PPARGC1A: variants seen among roughly 807,000 people sequenced by gnomAD.
PPARGC1A encodes PPARG coactivator 1 alpha.
PPARGC1A carries 25 observed loss-of-function variants against 88.7 expected under a neutral mutation model. The ratio of observed to expected loss-of-function variants is 0.28; its 90% CI spans 0.21 to 0.39. The LOEUF is 0.39. Among genes scored for constraint, PPARGC1A ranks in the 10% least tolerant of loss-of-function variants. PPARGC1A has a pLI of 1.00. For synonymous variants in PPARGC1A, 363 were observed against 355.6 expected (o/e 1.02, Z -0.24); for missense variants, 880 against 968.7 (o/e 0.91, Z 1.22).
chr4:23,813,791 C>T lies in PPARGC1A; in HGVS notation c.1692G>A (p.Arg564=). ...PKSLFSQRPQ[R]MRSRSRSFSR... ...AAAAGGACCTTGAACGAGAGCGCAT[C>T]CTTTGGGGTCTTTGAGAAAATAAGG... Residue 564 remains arginine (R), a synonymous_variant, in exon 8 of 13, where the codon AGG becomes AGA. Transcript: ENST00000264867. 1.9e-6 allele frequency: 3 copies of T among 1,613,568 alleles called. No homozygotes were observed. Among genetic ancestry groups the T allele is most frequent in the Middle Eastern group, 1.7e-4 (1 of 6,060 alleles).
chr4:24,221,777 A>G, the PPARGC1A span, among the ~76,000 whole-genome samples: 4 of 149,540 alleles, frequency 2.7e-5, no homozygotes, highest in African/African-American at 9.8e-5. Context: ...CACTCAAAAA[A>G]TAAAGTAAAA....
chr4:24,204,970 C>T, the PPARGC1A span, among the ~76,000 whole-genome samples: 11 of 152,174 alleles, frequency 7.2e-5, no homozygotes, highest in Non-Finnish European at 8.8e-5. Context: ...TACAAGCACC[C>T]GCCACCACGC....
At chr4:24,444,574 CAG>C in the PPARGC1A span, among the ~76,000 whole-genome samples, 5 of 152,092 alleles carry the variant, frequency 3.3e-5, no homozygotes, top group Admixed American at 2.0e-4. Context: ...CACAGTGAAA[CAG>C]AGAACAGTAC....
the PPARGC1A span, among the ~76,000 whole-genome samples, chr4:23,983,219 A>G: frequency 2.3e-4 from 35 of 152,270 alleles, no homozygotes; most frequent in Non-Finnish European, 4.6e-4. Context: ...TAAAGGAAAT[A>G]AATTATATAA....
the PPARGC1A span, among the ~76,000 whole-genome samples, chr4:24,230,696 G>T: frequency 6.4e-4 from 97 of 152,282 alleles, no homozygotes; most frequent in African/African-American, 2.3e-3. Context: ...AAGGAACTGA[G>T]GCAGAAGTTA....
At chr4:24,360,171 G>T in the PPARGC1A span, among the ~76,000 whole-genome samples, 1 of 152,162 alleles carries the variant, frequency 6.6e-6, no homozygotes, top group Non-Finnish European at 1.5e-5. Flanking sequence ...CTGAATTGGA[G>T]CAAAAGGCTC....
At chr4:24,099,287 C>CAAAAAA in the PPARGC1A span, among the ~76,000 whole-genome samples, 2 of 66,982 alleles carry the variant, frequency 3.0e-5, no homozygotes, top group African/African-American at 9.6e-5. Flanking sequence ...CTCCCTCCTG[C>CAAAAAA]AAAAAAAAAA....
chr4:24,137,690 A>C, the PPARGC1A span, among the ~76,000 whole-genome samples: 1 of 152,050 alleles, frequency 6.6e-6, no homozygotes, highest in Non-Finnish European at 1.5e-5. Flanking sequence ...AATCGCTTCA[A>C]ACAAAAGGCT....
At chr4:24,049,322 A>ATATATATATATG in the PPARGC1A span, among the ~76,000 whole-genome samples, 1,790 of 141,922 alleles carry the variant, frequency 0.013, 30 homozygotes, top group African/African-American at 0.036. Context: ...ATATATATAT[A>ATATATATATATG]TGTGTGTGTG....
At chr4:23,919,254 A>G in the PPARGC1A span, among the ~76,000 whole-genome samples, 21 of 152,316 alleles carry the variant, frequency 1.4e-4, no homozygotes, top group Admixed American at 3.3e-4. Context: ...ACTAGTCCTT[A>G]TAAATGGTAG....
chr4:23,895,631 C>T (rs1278790936), intron 1 of PPARGC1A, among the ~76,000 whole-genome samples: 1 of 151,896 alleles, frequency 6.6e-6, no homozygotes, highest in Admixed American at 6.6e-5. Flanking sequence ...CCAAGACGAC[C>T]GCTTCTAGGA....
the PPARGC1A span, among the ~76,000 whole-genome samples, chr4:24,361,597 C>T: frequency 6.6e-6 from 1 of 152,184 alleles, no homozygotes; most frequent in African/African-American, 2.4e-5. Context: ...TGATAATCCA[C>T]TGTTGGAATG....
chr4:24,200,893 T>C, the PPARGC1A span, among the ~76,000 whole-genome samples: 1 of 152,212 alleles, frequency 6.6e-6, no homozygotes, highest in Non-Finnish European at 1.5e-5. Context: ...GACTCTGTTT[T>C]CTATGTTTCT....
chr4:24,469,860 C>A, the PPARGC1A span, among the ~76,000 whole-genome samples: 1 of 152,184 alleles, frequency 6.6e-6, no homozygotes, highest in Admixed American at 6.5e-5. Context: ...CAGTCCCTCT[C>A]TCCCACCTCC....
At chr4:23,910,026 G>C in the PPARGC1A span, among the ~76,000 whole-genome samples, 1 of 147,518 alleles carries the variant, frequency 6.8e-6, no homozygotes, top group African/African-American at 2.5e-5. Flanking sequence ...TAAAATAGCA[G>C]CAAGTCACTA....
the PPARGC1A span, among the ~76,000 whole-genome samples, chr4:24,072,232 A>G: frequency 1.3e-5 from 2 of 150,418 alleles, no homozygotes; most frequent in African/African-American, 4.9e-5. Context: ...ATGGTTTTAT[A>G]TACATATATA....
chr4:24,171,484 T>C, the PPARGC1A span, among the ~76,000 whole-genome samples: 1 of 152,144 alleles, frequency 6.6e-6, no homozygotes, highest in Admixed American at 6.5e-5. Context: ...TCTACAGCAT[T>C]TATCACCACC....
chr4:23,820,711 C>T, intron 7 of PPARGC1A: 1 of 327,800 alleles, frequency 3.1e-6, no homozygotes, highest in South Asian at 2.4e-5. Context: ...GTCAGACCAG[C>T]TGGCAATACC....
At chr4:23,830,961 C>T (rs927905531) in intron 3 of PPARGC1A, among the ~76,000 whole-genome samples, 3 of 151,820 alleles carry the variant, frequency 2.0e-5, no homozygotes, top group Admixed American at 6.6e-5. Context: ...ATTGCACATT[C>T]GTTGATCTAC....
Sources: allele counts gnomAD v4.1 joint callset (sites outside exome capture counted in the v4.1 genomes callset), GRCh38; gene constraint gnomAD v4.1.1; transcripts MANE v1.5; gene names NCBI Gene and HGNC (gene_info 2026-07-23, HGNC 2026-07-21).